Variants in SEC23IP observed in about 807,000 individuals in gnomAD.
SEC23IP encodes SEC23-interacting protein.
Under a neutral mutation model 113.4 loss-of-function variants are expected in SEC23IP, and 70 were observed. The ratio of observed to expected loss-of-function variants is 0.62; its 90% CI spans 0.51 to 0.75. The LOEUF is 0.75. Among genes scored for constraint, SEC23IP ranks in the 30% least tolerant of loss-of-function variants. The pLI is 0.00. For missense variants in SEC23IP, 1,160 were observed against 1,204.9 expected (o/e 0.96, Z 0.55); for synonymous variants, 398 against 421.0 (o/e 0.95, Z 0.67).
chr10:119,905,662 G>A (rs1026748217), intron 4 of SEC23IP, among the ~76,000 whole-genome samples: 2 of 152,282 alleles, frequency 1.3e-5, no homozygotes, highest in Admixed American at 6.5e-5. Flanking sequence ...ACAAAACAAC[G>A]GAAGGGTTGG....
intron 12 of SEC23IP, among the ~76,000 whole-genome samples, chr10:119,924,770 A>C (rs1033477789): frequency 2.0e-5 from 3 of 151,952 alleles, no homozygotes; most frequent in Non-Finnish European, 4.4e-5. Flanking sequence ...GGAAACGCAT[A>C]GATCTTTTAA....
At chr10:119,902,270 C>T (rs977440394) in intron 2 of SEC23IP, among the ~76,000 whole-genome samples, 2 of 152,064 alleles carry the variant, frequency 1.3e-5, no homozygotes, top group African/African-American at 4.8e-5. Flanking sequence ...GCAGGAGAAT[C>T]GCTTGAACTC....
chr10:119,928,784 G>A (rs1589846655), intron 13 of SEC23IP, among the ~76,000 whole-genome samples: 1 of 152,358 alleles, frequency 6.6e-6, no homozygotes, highest in Middle Eastern at 3.4e-3. Flanking sequence ...GAGGCTACAT[G>A]TAAGCTACTC....
At chr10:119,902,510 A>G (rs1854529872) in intron 2 of SEC23IP, among the ~76,000 whole-genome samples, 1 of 152,092 alleles carries the variant, frequency 6.6e-6, no homozygotes, top group African/African-American at 2.4e-5. Flanking sequence ...CATAGTAGGT[A>G]TATATGTTTA....
At position 119,932,331 on chromosome 10, in the gene SEC23IP, T is replaced by A. The variant is rs1200038744; in HGVS notation, c.2758+13T>A. ...CAAGTAGTTGAAGGTAAATTTGACA[T>A]TTGAGGCATTTTCTAATACAAATGT... is the stretch of plus-strand genomic sequence containing the variant. On this transcript the variant is annotated intron_variant, in intron 16 of 18. Coordinates refer to ENST00000369075, the MANE Select transcript of SEC23IP (RefSeq NM_007190.4). 1 of 1,589,752 alleles carries A rather than the reference T, an allele frequency of 6.3e-7. No individual in the cohort carries two copies. The highest frequency in any genetic ancestry group is 1.7e-5 in the Admixed American group (1 of 59,104).
intron 4 of SEC23IP, among the ~76,000 whole-genome samples, chr10:119,905,107 C>A (rs12258695): frequency 1.3e-5 from 2 of 151,298 alleles, no homozygotes; most frequent in South Asian, 2.1e-4. Context: ...GCACTCCAGC[C>A]TGGGCAATGG....
At chr10:119,898,216 CTT>C in intron 1 of SEC23IP, 1 of 882,094 alleles carries the variant, frequency 1.1e-6, no homozygotes, top group Non-Finnish European at 1.6e-6. Flanking sequence ...ATTGTTTCCT[CTT>C]ATGTTTTCTT....
chr10:119,923,048 G>T lies in SEC23IP; in HGVS notation c.2121+2064G>T, dbSNP rs139058899. ...CAAGAAATGAGAAGCTTTGTGTTCA[G>T]GCCCTACACCATGTTCTTAATTTAT... On this transcript the variant is annotated intron_variant, in intron 12 of 18. Coordinates refer to ENST00000369075, the MANE Select transcript of SEC23IP (RefSeq NM_007190.4). 1.9e-3 allele frequency among the ~76,000 whole-genome samples: 287 copies of T among 151,636 alleles called. 1 individual carries two copies. The highest frequency in any genetic ancestry group is 6.7e-3 in the African/African-American group (275 of 41,332).
At chr10:119,917,719 C>CAGAG in intron 8 of SEC23IP, 117 bp from the exon 9 acceptor site, 1 of 703,618 alleles carries the variant, frequency 1.4e-6, no homozygotes. Flanking sequence ...AGAAACAACT[C>CAGAG]ATAGTCTGTG....
chr10:119,929,159 C>T (rs944764797), intron 13 of SEC23IP, among the ~76,000 whole-genome samples: 5 of 151,902 alleles, frequency 3.3e-5, no homozygotes, highest in Admixed American at 6.6e-5. Context: ...ACTATTATGC[C>T]GTGCAAAACA....
At chr10:119,930,898 A>G (rs777327105) in intron 15 of SEC23IP, among the ~76,000 whole-genome samples, 10 of 152,178 alleles carry the variant, frequency 6.6e-5, no homozygotes, top group Admixed American at 4.6e-4. Context: ...CTTCCTGTTA[A>G]TGGTGTGTAT....
At chr10:119,903,945 C>T in intron 3 of SEC23IP, 139 bp from the exon 4 acceptor site, 1 of 809,530 alleles carries the variant, frequency 1.2e-6, no homozygotes, top group Non-Finnish European at 1.9e-6. Context: ...GTCTCAAACT[C>T]CTGACCGCAA....
chr10:119,924,246 T>A (rs144267185), intron 12 of SEC23IP, among the ~76,000 whole-genome samples: 4 of 152,338 alleles, frequency 2.6e-5, no homozygotes, highest in Non-Finnish European at 5.9e-5. Flanking sequence ...TGGCCAGCTG[T>A]GGTTGTTTAG....
At chr10:119,919,819 G>T (rs72826463) in intron 11 of SEC23IP, among the ~76,000 whole-genome samples, 1 of 152,040 alleles carries the variant, frequency 6.6e-6, no homozygotes, top group Non-Finnish European at 1.5e-5. Context: ...TTGTATAACA[G>T]TAGACACCAT....
At chr10:119,925,752 G>A (rs1022416937) in intron 12 of SEC23IP, among the ~76,000 whole-genome samples, 4 of 152,046 alleles carry the variant, frequency 2.6e-5, no homozygotes, top group African/African-American at 9.7e-5. Context: ...ATGTTGCCCA[G>A]GTTGGTCTTG....
chr10:119,930,358 T>C lies in SEC23IP; in HGVS notation c.2499T>C (p.Pro833=), dbSNP rs1451840014. The change falls in exon 15 of 19, where the codon CCT becomes CCC. Residue 833 remains proline (P), a synonymous_variant. Transcript: ENST00000369075. The part of the protein sequence containing the change: ...PLDPVAYRLE[P]MIVPDLDLKA... ...ATCCAGTGGCATATAGATTAGAACC[T>C]ATGATTGTTCCAGATTTGGACCTAA... The C allele has an allele frequency of 1.2e-6, 2 of 1,609,200 alleles. No homozygotes were observed. The highest frequency in any genetic ancestry group is 2.7e-5 in the African/African-American group (2 of 74,854).
rs1363770852 is a variant in SEC23IP at position 119,943,627 on chromosome 10, C to G, written c.*3062C>G. 6.6e-6 allele frequency: 1 copy of G among 152,118 alleles called. No homozygotes were observed. The highest frequency in any genetic ancestry group is 1.5e-5 in the Non-Finnish European group (1 of 68,008). The allele number at this position is 152,118 out of a possible 1,614,324, so 9.4% of individuals were successfully genotyped here. A position where few individuals can be genotyped will look rare whatever the true frequency, so the allele number is the denominator to read the frequency against. On this transcript the variant is annotated 3_prime_UTR_variant, in exon 19 of 19. Transcript: ENST00000369075. ...ATGAATAAAAAATAAAACAGCAACT[C>G]TTGCAGATTTCCCGAATGTATTGGT...
In SEC23IP at chr10:119,898,605, C is replaced by T. The variant is rs187525199; in HGVS notation, c.342C>T (p.Pro114=). The T allele has an allele frequency of 1.7e-5, 27 of 1,614,192 alleles. No homozygotes were observed. The African/African-American group carries it at 3.2e-4, about 19-fold the overall frequency. Residue 114 remains proline, a synonymous_variant, in exon 2 of 19, where the codon CCC becomes CCT. Transcript: ENST00000369075. ...CCTCAGTTGGACAATCAGGATTCCC[C>T]AAGCCCCTGACTGCTCTCCCTTTTA... The part of the protein sequence containing the change: ...AATSVGQSGF[P]KPLTALPFTT...
Position 119,909,022 on chromosome 10 carries a change from G to A in SEC23IP, c.1102-19G>A, listed in dbSNP as rs1854770776. 1 of 1,531,062 alleles carries A rather than the reference G, an allele frequency of 6.5e-7. No homozygotes were observed. The highest frequency in any genetic ancestry group is 1.4e-5 in the African/African-American group (1 of 72,538). The allele number at this position is 1,531,062 out of a possible 1,614,324, so 94.8% of individuals were successfully genotyped here. A position where few individuals can be genotyped will look rare whatever the true frequency, so the allele number is the denominator to read the frequency against. ...ATAAATTTGTCATGTTGGAATATAT[G>A]TTGTTTCCCCCATTATAGGCTGAAT... On this transcript the variant is annotated intron_variant, in intron 4 of 18. Coordinates refer to ENST00000369075, the MANE Select transcript of SEC23IP (RefSeq NM_007190.4).
Sources: allele counts gnomAD v4.1 joint callset (sites outside exome capture counted in the v4.1 genomes callset), GRCh38; gene constraint gnomAD v4.1.1; transcripts MANE v1.5; gene names NCBI Gene and HGNC (gene_info 2026-07-23, HGNC 2026-07-21).